FBN2: variants seen among roughly 807,000 people sequenced by gnomAD.
The protein encoded by FBN2 is fibrillin 2.
Under a neutral mutation model 355.6 loss-of-function variants are expected in FBN2, and 105 were observed. The ratio of observed to expected loss-of-function variants is 0.30; its 90% confidence interval spans 0.25 to 0.35. The LOEUF is 0.35. Ranked by LOEUF, FBN2 falls within the 10% of genes least tolerant of loss-of-function variation. FBN2 has a pLI of 1.00. For synonymous variants in FBN2, 1,350 were observed against 1,301.2 expected (o/e 1.04, Z -0.81); for missense variants, 3,280 against 3,758.7 (o/e 0.87, Z 3.33).
rs1435496069 is a variant in FBN2, at chr5:128,396,878, CTG to C, written c.1079-1606_1079-1605del. ...CTGCATATCAATAATGAAGATGAAA[CTG>C]TTAATTGCTTATAATTCCATTAACA... On this transcript the variant is annotated intron_variant, in intron 8 of 64. Transcript: ENST00000262464. Among the ~76,000 whole-genome samples, 3 of 152,190 alleles carry C rather than the reference CTG, an allele frequency of 2.0e-5. No individual in the cohort carries two copies. The East Asian group carries it at 5.8e-4, about 29-fold the overall frequency.
intron 5 of FBN2, among the ~76,000 whole-genome samples, chr5:128,490,224 T>C (rs1040011669): frequency 1.3e-5 from 2 of 152,164 alleles, no homozygotes; most frequent in African/African-American, 2.4e-5. Context: ...ATCAGAGCCA[T>C]ACCCAGATCA....
Position 128,287,478 on chromosome 5 carries a change from A to G in FBN2, c.6758-48T>C, listed in dbSNP as rs42688. 0.075 allele frequency: 120,575 copies of G among 1,608,032 alleles called. 12,664 individuals are homozygous for G. The highest frequency in any genetic ancestry group is 0.6 in the East Asian group (26,891 of 44,676). On this transcript the variant is annotated intron_variant, in intron 53 of 64. Coordinates refer to ENST00000262464, the MANE Select transcript of FBN2 (RefSeq NM_001999.4). ...ATGTGCTCAGCCTAGAGTTCTAATT[A>G]TTTGTGTAACTAAATGTTGATGTCA... is the stretch of plus-strand genomic sequence containing the variant.
intron 16 of FBN2, among the ~76,000 whole-genome samples, chr5:128,366,908 C>T (rs1404322318): frequency 6.6e-6 from 1 of 152,102 alleles, no homozygotes; most frequent in Non-Finnish European, 1.5e-5. Context: ...AAGGGGGAAA[C>T]AGAGAAGTGC....
Position 128,395,379 on chromosome 5 carries a change from A to T in FBN2, c.1079-105T>A, listed in dbSNP as rs80198447. ...GTAGGTGAAGTGACTCATACCACTT[A>T]ATCTCTGTTATCTATTCCTTTCTTC... On this transcript the variant is annotated intron_variant, in intron 8 of 64. Coordinates refer to ENST00000262464, the MANE Select transcript of FBN2 (RefSeq NM_001999.4). 550 of 1,163,650 alleles carry T rather than the reference A, an allele frequency of 4.7e-4. 5 individuals are homozygous for T. The East Asian group carries it at 0.011, about 24-fold the overall frequency. The allele number at this position is 1,163,650 out of a possible 1,614,324, so 72.1% of individuals were successfully genotyped here. A position where few individuals can be genotyped will look rare whatever the true frequency, so the allele number is the denominator to read the frequency against.
intron 7 of FBN2, among the ~76,000 whole-genome samples, chr5:128,440,171 T>A (rs541843181): frequency 6.6e-6 from 1 of 152,218 alleles, no homozygotes; most frequent in Non-Finnish European, 1.5e-5. Flanking sequence ...CTCCAGTCTT[T>A]CAAATATTTT....
At chr5:128,408,505 G>C (rs1434272071) in intron 8 of FBN2, among the ~76,000 whole-genome samples, 169 bp downstream of exon 8, 1 of 152,132 alleles carries the variant, frequency 6.6e-6, no homozygotes, top group Non-Finnish European at 1.5e-5. Context: ...TGAAGTCTTT[G>C]CAAAGAGTAC....
intron 6 of FBN2, among the ~76,000 whole-genome samples, chr5:128,459,779 A>C (rs1448337090): frequency 1.3e-5 from 2 of 152,236 alleles, no homozygotes; most frequent in Non-Finnish European, 2.9e-5. Context: ...CATGTTAAAA[A>C]TTCTCAGTAA....
chr5:128,328,804 C>A lies in FBN2; in HGVS notation c.4363G>T (p.Glu1455Ter). ...CCGTTCTCACAGAGGTTTATGTTTT[C>A]TGCACACTCATCAACATCTGTGCAA... ...FTCSDVDECA[E>*]NINLCENGQC... Residue 1455 changes from glutamate (E) to a stop codon, truncating the protein, a stop_gained, in exon 34 of 65, where the codon GAA becomes TAA. Transcript: ENST00000262464. LOFTEE classifies it high-confidence loss of function. 6.2e-7 allele frequency: 1 copy of A among 1,614,154 alleles called. No homozygotes were observed. Among genetic ancestry groups the A allele is most frequent in the South Asian group, 1.1e-5 (1 of 91,080 alleles).
At chr5:128,490,860 G>T (rs1460473439) in intron 5 of FBN2, among the ~76,000 whole-genome samples, 1 of 152,124 alleles carries the variant, frequency 6.6e-6, no homozygotes. Context: ...CTGATCAGTG[G>T]CTTGTATGAG....
chr5:128,455,990 CAAAAAAAAAAAA>C (rs70997371), intron 6 of FBN2, among the ~76,000 whole-genome samples: 32 of 25,278 alleles, frequency 1.3e-3, no homozygotes, highest in Admixed American at 4.6e-3. Flanking sequence ...GGGTTAGCAA[CAAAAAAAAAAAA>C]AAAAAAAAAA....
chr5:128,387,950 C>A (rs1378541517), intron 11 of FBN2, among the ~76,000 whole-genome samples: 2 of 151,998 alleles, frequency 1.3e-5, no homozygotes, highest in Non-Finnish European at 2.9e-5. Flanking sequence ...GGTGTTAAAG[C>A]CTCTCACTAT....
chr5:128,269,761 C>T (rs1487207499), intron 62 of FBN2, among the ~76,000 whole-genome samples: 2 of 152,208 alleles, frequency 1.3e-5, no homozygotes, highest in African/African-American at 2.4e-5. Context: ...ATTCCATCCT[C>T]ATGGATAGAA....
chr5:128,337,913 C>T (rs1750888901), intron 27 of FBN2, 84 bp downstream of exon 27: 1 of 1,484,828 alleles, frequency 6.7e-7, no homozygotes, highest in Non-Finnish European at 9.4e-7. Context: ...TCATGTGCTC[C>T]TCAAACAACA....
Position 128,287,295 on chromosome 5 carries a change from T to A in FBN2, c.6880+13A>T. 1 of 1,613,702 alleles carries A rather than the reference T, an allele frequency of 6.2e-7. No homozygotes were observed. The highest frequency in any genetic ancestry group is 1.1e-5 in the South Asian group (1 of 91,066). ...AAATAAAGTTCGAACTACTCCCGAG[T>A]CTGAGGCCTTACCTTTGCACATCTT... On this transcript the variant is annotated intron_variant, in intron 54 of 64. Transcript: ENST00000262464.
intron 5 of FBN2, among the ~76,000 whole-genome samples, chr5:128,485,901 T>C (rs1446050559): frequency 1.3e-5 from 2 of 152,170 alleles, no homozygotes; most frequent in Non-Finnish European, 2.9e-5. Flanking sequence ...CTATCCAAAA[T>C]ATTACACTTT....
rs115223340 is a variant in FBN2 at position 128,287,347 on chromosome 5, T to A, written c.6841A>T (p.Ile2281Phe). The change falls in exon 54 of 65, where the codon ATT becomes TTT. Residue 2281 changes from isoleucine to phenylalanine, a missense_variant. This residue lies in a region of FBN2 where 2,284 missense variants were observed against 2,749.5 expected (regional missense o/e 0.83). Coordinates refer to ENST00000262464, the MANE Select transcript of FBN2 (RefSeq NM_001999.4). Reference protein sequence around the residue: ...TFGSYECTCPIGYALREDQKM... With the variant: ...TFGSYECTCPFGYALREDQKM... The stretch of plus-strand genomic sequence containing the variant: ...TGATCTTCCCTGAGGGCATAGCCAA[T>A]CGGGCACGTGCATTCATAGGACCCA... 2.7e-4 allele frequency: 428 copies of A among 1,614,028 alleles called. No homozygotes were observed. In the African/African-American group the frequency reaches 4.9e-3, roughly 18 times the overall value.
intron 15 of FBN2, among the ~76,000 whole-genome samples, chr5:128,372,465 A>G (rs1751968011): frequency 6.6e-6 from 1 of 152,072 alleles, no homozygotes; most frequent in South Asian, 2.1e-4. Flanking sequence ...GCTTATCCTA[A>G]TAGTTTTTCA....
chr5:128,391,020 C>A (rs528612931), intron 11 of FBN2, among the ~76,000 whole-genome samples: 2 of 152,240 alleles, frequency 1.3e-5, no homozygotes, highest in East Asian at 3.9e-4. Flanking sequence ...GTGCATAATA[C>A]AGTGCATCAA....
At chr5:128,315,210 G>A (rs1451484449) in intron 36 of FBN2, among the ~76,000 whole-genome samples, 3 of 152,128 alleles carry the variant, frequency 2.0e-5, no homozygotes, top group Non-Finnish European at 4.4e-5. Context: ...ATATACAGAA[G>A]AAAAAAGTTG....
Sources: allele counts gnomAD v4.1 joint callset (sites outside exome capture counted in the v4.1 genomes callset), GRCh38; gene constraint gnomAD v4.1.1; regional missense constraint gnomAD v4.1.1; transcripts MANE v1.5; gene names NCBI Gene and HGNC (gene_info 2026-07-23, HGNC 2026-07-21).